The following MYOM2 variants were observed in gnomAD, a reference collection of about 807,000 sequenced individuals.
MYOM2 encodes myomesin-2.
Under a neutral mutation model 187.6 loss-of-function variants are expected in MYOM2, and 254 were observed. The ratio of observed to expected loss-of-function variants is 1.35; its 90% CI spans 1.22 to 1.50. The LOEUF is 1.50. Among genes scored for constraint, MYOM2 ranks in the 40% most tolerant of loss-of-function variants. The probability of loss-of-function intolerance (pLI) is 0.00; values close to 1 mark genes in which losing one functional copy is unlikely to be tolerated. For missense variants in MYOM2, 2,796 were observed against 1,924.0 expected (o/e 1.45, Z -8.48); for synonymous variants, 981 against 753.8 (o/e 1.30, Z -4.94).
chr8:2,060,318 A>G (rs1818809971), intron 6 of MYOM2, among the ~76,000 whole-genome samples: 1 of 152,180 alleles, frequency 6.6e-6, no homozygotes, highest in Non-Finnish European at 1.5e-5. Context: ...TCCTGAAAAC[A>G]ATTATCAAGA....
At chr8:2,078,666 T>C (rs1819515316) in intron 11 of MYOM2, 68 bp from the exon 12 acceptor site, 2 of 1,396,964 alleles carry the variant, frequency 1.4e-6, no homozygotes, top group Admixed American at 1.7e-5. Flanking sequence ...TATATGCATA[T>C]ACCTATGTAT....
In MYOM2 at chr8:2,117,972, C is replaced by T. The variant is rs199932859; in HGVS notation, c.3453+20C>T. 3.1e-6 allele frequency: 5 copies of T among 1,606,576 alleles called. No homozygotes were observed. The African/African-American group carries it at 5.3e-5, about 17-fold the overall frequency. ...TGCAAGGTGAGAAACCCGGTTCTAACAGGAAAACAATAAATCTCATTCTGG... is the reference window on the plus strand; with the variant it reads ...TGCAAGGTGAGAAACCCGGTTCTAATAGGAAAACAATAAATCTCATTCTGG... On this transcript the variant is annotated intron_variant, in intron 28 of 36. Coordinates refer to ENST00000262113, the MANE Select transcript of MYOM2 (RefSeq NM_003970.4).
In MYOM2 at chr8:2,096,365, C is replaced by A; in HGVS notation, c.2244C>A (p.Asp748Glu). 6.2e-7 allele frequency: 1 copy of A among 1,614,236 alleles called. No homozygotes were observed. The highest frequency in any genetic ancestry group is 8.5e-7 in the Non-Finnish European group (1 of 1,180,044). ...CGCCCATCCTGGGCTACTACCTGGA[C>A]AAGCGTGAAGTTCACCATAAAAACT... ...GGSPILGYYL[D>E]KREVHHKNWH... Residue 748 changes from aspartate (D) to glutamate (E), a missense_variant, in exon 18 of 37, where the codon GAC becomes GAA. By Grantham distance (45) the Asp-to-Glu change is conservative. Coordinates refer to ENST00000262113, the MANE Select transcript of MYOM2 (RefSeq NM_003970.4).
intron 20 of MYOM2, among the ~76,000 whole-genome samples, 156 bp downstream of exon 20, chr8:2,101,210 T>C (rs981441671): frequency 1.8e-4 from 27 of 152,082 alleles, no homozygotes; most frequent in Admixed American, 1.2e-3. Context: ...TAGCCGGGCA[T>C]GGCACCGTGG....
intron 32 of MYOM2, among the ~76,000 whole-genome samples, chr8:2,129,490 G>C (rs926669218): frequency 2.0e-5 from 3 of 152,316 alleles, no homozygotes; most frequent in Middle Eastern, 3.4e-3. Context: ...AGTCACCAAA[G>C]GTGGCTTTAC....
chr8:2,101,424 G>C (rs1032789554), intron 20 of MYOM2, among the ~76,000 whole-genome samples: 1 of 152,218 alleles, frequency 6.6e-6, no homozygotes, highest in East Asian at 1.9e-4. Flanking sequence ...TCGTCTTGGC[G>C]TTTCCCTCTG....
At position 2,098,903 on chromosome 8, in the gene MYOM2, C is replaced by T. The variant is rs201329114; in HGVS notation, c.2360C>T (p.Ala787Val). 11 of 1,613,340 alleles carry T rather than the reference C, an allele frequency of 6.8e-6. No homozygotes were observed. The East Asian group carries it at 2.5e-4, about 36-fold the overall frequency. Residue 787 changes from alanine (A) to valine (V), a missense_variant, in exon 19 of 37, where the codon GCC (alanine) becomes GTC (valine). Transcript: ENST00000262113. Reference protein sequence around the residue: ...EGSLYEFKIAAVNLAGIGEPS... With the variant: ...EGSLYEFKIAVVNLAGIGEPS... The stretch of plus-strand genomic sequence containing the variant: ...TCACTCTACGAGTTCAAAATCGCCG[C>T]CGTCAACCTGGCCGGCATCGGGGAG...
Position 2,092,488 on chromosome 8 carries a change from G to T in MYOM2, c.1971G>T (p.Glu657Asp). Residue 657 changes from glutamate (E) to aspartate (D), a missense_variant, in exon 16 of 37, where the codon GAG becomes GAT. By Grantham distance (45) the Glu-to-Asp change is conservative. Transcript: ENST00000262113. Reference protein sequence around the residue: ...DCCVAGTNLWEPCNHKPIGYN... With the variant: ...DCCVAGTNLWDPCNHKPIGYN... ...GTGTGGCCGGAACCAACCTCTGGGA[G>T]CCCTGCAACCACAAGCCCATCGGAT... 1 of 1,614,066 alleles carries T rather than the reference G, an allele frequency of 6.2e-7. No homozygotes were observed. Among genetic ancestry groups the T allele is most frequent in the Non-Finnish European group, 8.5e-7 (1 of 1,179,994 alleles).
chr8:2,132,673 A>G (rs1376901695), intron 32 of MYOM2, among the ~76,000 whole-genome samples: 1 of 151,996 alleles, frequency 6.6e-6, no homozygotes, highest in East Asian at 1.9e-4. Context: ...TGTAGCCCTG[A>G]TCTCCTGGGA....
intron 23 of MYOM2, among the ~76,000 whole-genome samples, chr8:2,107,745 T>A (rs1796942447): frequency 1.3e-5 from 2 of 152,216 alleles, no homozygotes; most frequent in South Asian, 4.1e-4. Flanking sequence ...ATTTGCATGC[T>A]TTTAAAGCAG....
In MYOM2 at chr8:2,092,450, T is replaced by A; in HGVS notation, c.1933T>A (p.Tyr645Asn). 2 of 1,614,174 alleles carry A rather than the reference T, an allele frequency of 1.2e-6. No individual in the cohort carries two copies. The highest frequency in any genetic ancestry group is 1.7e-6 in the Non-Finnish European group (2 of 1,180,018). The change falls in exon 16 of 37, where the codon TAC (tyrosine) becomes AAC (asparagine). Residue 645 changes from tyrosine (Y) to asparagine (N), a missense_variant. Transcript: ENST00000262113. ...GCATGAGGAGGACCTGCTGGGCTAC[T>A]ACGTGGACTGCTGTGTGGCCGGAAC... Reference protein sequence around the residue: ...PKHEEDLLGYYVDCCVAGTNL... With the variant: ...PKHEEDLLGYNVDCCVAGTNL...
At position 2,057,611 on chromosome 8, in the gene MYOM2, T is replaced by G; in HGVS notation, c.403-12T>G. On this transcript the variant is annotated splice_polypyrimidine_tract_variant and intron_variant, in intron 4 of 36. Coordinates refer to ENST00000262113, the MANE Select transcript of MYOM2 (RefSeq NM_003970.4). The stretch of plus-strand genomic sequence containing the variant: ...TGCCTGGGAACCTGACCATCCTTGC[T>G]TCTCGGGGCAGATGGAGGACAAGCT... 6.2e-7 allele frequency: 1 copy of G among 1,613,846 alleles called. No homozygotes were observed. Among genetic ancestry groups the G allele is most frequent in the Non-Finnish European group, 8.5e-7 (1 of 1,179,856 alleles).
At chr8:2,141,044 A>T in intron 33 of MYOM2, 97 bp from the exon 34 acceptor site, 1 of 1,352,336 alleles carries the variant, frequency 7.4e-7, no homozygotes, top group South Asian at 1.4e-5. Context: ...TTTATATATC[A>T]GTTTTCATGA....
intron 32 of MYOM2, among the ~76,000 whole-genome samples, chr8:2,134,049 A>ACATC (rs757745700): frequency 3.5e-3 from 436 of 123,024 alleles, no homozygotes; most frequent in African/African-American, 0.011. Context: ...AGGTTAGTGT[A>ACATC]TTGTGTACCC....
At position 2,123,299 on chromosome 8, in the gene MYOM2, T is replaced by C. The variant is rs745342527; in HGVS notation, c.3501T>C (p.Asp1167=). ...CCGTTTTCAAATGGCTCAAGGATGA[T>C]GTTCTGTATGAAACGGAGACACTGC... ...KETVFKWLKD[D]VLYETETLPN... is the part of the protein sequence containing the mutation. The change falls in exon 29 of 37, where the codon GAT becomes GAC. Residue 1167 remains aspartate (D), a synonymous_variant. Coordinates refer to ENST00000262113, the MANE Select transcript of MYOM2 (RefSeq NM_003970.4). 15 of 1,613,930 alleles carry C rather than the reference T, an allele frequency of 9.3e-6. No homozygotes were observed. Among genetic ancestry groups the C allele is most frequent in the East Asian group, 8.9e-5 (4 of 44,896 alleles).
chr8:2,136,917 C>T (rs943192999), intron 32 of MYOM2, among the ~76,000 whole-genome samples: 3 of 152,140 alleles, frequency 2.0e-5, no homozygotes, highest in Non-Finnish European at 4.4e-5. Context: ...GCGCAACTTT[C>T]GTGGCCCAGT....
chr8:2,123,384 C>A lies in MYOM2; in HGVS notation c.3567+19C>A. Reference sequence around the variant, plus strand: ...CCCAAAGGTATCAGGCATTGAGTAACACAAGAAAGCAAAACAAAAACGGCA... The same window carrying A: ...CCCAAAGGTATCAGGCATTGAGTAAAACAAGAAAGCAAAACAAAAACGGCA... On this transcript the variant is annotated intron_variant, in intron 29 of 36. Coordinates refer to ENST00000262113, the MANE Select transcript of MYOM2 (RefSeq NM_003970.4). 1 of 1,409,832 alleles carries A rather than the reference C, an allele frequency of 7.1e-7. No individual in the cohort carries two copies. The allele number at this position is 1,409,832 out of a possible 1,614,324, so 87.3% of individuals were successfully genotyped here.
intron 5 of MYOM2, among the ~76,000 whole-genome samples, chr8:2,058,604 G>A (rs1818751808): frequency 6.6e-6 from 1 of 152,192 alleles, no homozygotes; most frequent in African/African-American, 2.4e-5. Flanking sequence ...TATATGTGGG[G>A]TTGGGACTCT....
At chr8:2,140,350 A>C (rs188615792) in intron 32 of MYOM2, among the ~76,000 whole-genome samples, 1 of 149,300 alleles carries the variant, frequency 6.7e-6, no homozygotes, top group African/African-American at 2.5e-5. Context: ...TAGGTGTGAC[A>C]ATATCTCTCC....
Sources: gnomAD v4.1 joint callset for allele counts (sites outside exome capture counted in the v4.1 genomes callset) on GRCh38, gnomAD v4.1.1 for gene constraint, MANE v1.5 for transcripts, NCBI Gene and HGNC (gene_info 2026-07-23, HGNC 2026-07-21) for gene names.